SLC52A1: variants seen among roughly 807,000 people sequenced by gnomAD.
SLC52A1 encodes solute carrier family 52, riboflavin transporter, member 1.
In SLC52A1, 20 loss-of-function variants were observed where a neutral mutation model predicts 23.2. The observed-to-expected ratio is 0.86, with a 90% CI of 0.61 to 1.25. The LOEUF is 1.25. Ranked by LOEUF, SLC52A1 falls within the 50% of genes most tolerant of loss-of-function variation. The probability of loss-of-function intolerance (pLI) is 0.00; values close to 1 mark genes in which losing one functional copy is unlikely to be tolerated. For missense variants in SLC52A1, 528 were observed against 557.0 expected (o/e 0.95, Z 0.52); for synonymous variants, 260 against 256.6 (o/e 1.01, Z -0.13).
At position 5,033,517 on chromosome 17, in the gene SLC52A1, G is replaced by T; in HGVS notation, c.972C>A (p.Asn324Lys). ...CCATGGCCAGGAAGCAGGCAAGGGGGTTGGCGGCACTGCCCAGCACCACAG... is the reference window on the plus strand; with the variant it reads ...CCATGGCCAGGAAGCAGGCAAGGGGTTTGGCGGCACTGCCCAGCACCACAG... The part of the protein sequence containing the change: ...HLAVVLGSAA[N>K]PLACFLAMGV... The change falls in exon 3 of 5, where the codon AAC becomes AAA. Residue 324 changes from asparagine to lysine, a missense_variant. Physicochemically the swap from Asn to Lys is moderately conservative, Grantham distance 94. Coordinates refer to ENST00000254853, the MANE Select transcript of SLC52A1 (RefSeq NM_017986.4). The T allele has an allele frequency of 6.2e-7, 1 of 1,613,172 alleles. No individual in the cohort carries two copies.
rs774520412 is a variant in SLC52A1, at chr17:5,033,295, G to A, written c.1100C>T (p.Pro367Leu). The change falls in exon 4 of 5, where the codon CCC becomes CTC. Residue 367 changes from proline to leucine, a missense_variant. Pro to Leu is a moderately conservative substitution (Grantham distance 98). Transcript: ENST00000254853. Reference protein sequence around the residue: ...MALAILSPCPPLVGTTAGVVL... With the variant: ...MALAILSPCPLLVGTTAGVVL... ...CACCCCTGCAGTGGTGCCCACCAGG[G>A]GTGGGCAGGGGCTCAGGATTGCCAG... The A allele has an allele frequency of 1.2e-6, 2 of 1,614,150 alleles. No individual in the cohort carries two copies. Among genetic ancestry groups the A allele is most frequent in the Admixed American group, 3.3e-5 (2 of 60,022 alleles).
At position 5,034,363 on chromosome 17, in the gene SLC52A1, A is replaced by G. The variant is rs1483881818; in HGVS notation, c.131-5T>C. The G allele has an allele frequency of 6.3e-7, 1 of 1,581,872 alleles. No homozygotes were observed. The highest frequency in any genetic ancestry group is 1.4e-5 in the African/African-American group (1 of 74,046). On this transcript the variant is annotated splice_polypyrimidine_tract_variant and splice_region_variant and intron_variant, in intron 2 of 4. Transcript: ENST00000254853. ...GGTATGAGGGGAGGCTCCAACCTGC[A>G]GGGAAGGAATGATGCCATGTCAGGA...
At chr17:5,041,240 G>A (rs527858362) in intron 1 of SLC52A1, among the ~76,000 whole-genome samples, 12 of 152,232 alleles carry the variant, frequency 7.9e-5, no homozygotes, top group Admixed American at 2.0e-4. Flanking sequence ...GTGTGTGCCA[G>A]CCACCACGGC....
upstream of SLC52A1, among the ~76,000 whole-genome samples, chr17:5,039,424 C>T (rs773416586): frequency 3.5e-4 from 53 of 152,122 alleles, no homozygotes; most frequent in Non-Finnish European, 1.5e-4. Context: ...GAACTGTCCC[C>T]TTAACGTAGG....
rs989617189 is a variant in SLC52A1 at position 5,035,150 on chromosome 17, A to G, written c.-397T>C. On this transcript the variant is annotated 5_prime_UTR_variant, in exon 1 of 5. Transcript: ENST00000254853. ...TGGTGAAAACCCGTCTCTACTAAAA[A>G]TACAAAAATTAGCTGGTCGTGGTGG... 2 of 155,390 alleles carry G rather than the reference A, an allele frequency of 1.3e-5. No individual in the cohort carries two copies. The highest frequency in any genetic ancestry group is 4.8e-5 in the African/African-American group (2 of 41,464). The allele number at this position is 155,390 out of a possible 1,614,324, so 9.6% of individuals were successfully genotyped here. A position where few individuals can be genotyped will look rare whatever the true frequency, so the allele number is the denominator to read the frequency against.
Position 5,032,625 on chromosome 17 carries a change from C to A in SLC52A1, c.*332G>T. On this transcript the variant is annotated 3_prime_UTR_variant, in exon 5 of 5. Transcript: ENST00000254853. ...TATATGTATGAAAAATTATTTAATC[C>A]AGTTTCCTGATTTCATTATATATTT... The A allele has an allele frequency of 4.6e-6, 1 of 218,930 alleles. No homozygotes were observed. Among genetic ancestry groups the A allele is most frequent in the South Asian group, 1.3e-4 (1 of 7,464 alleles). 13.6% of individuals were successfully genotyped at this position (218,930 alleles called of 1,614,324 possible).
In SLC52A1 at chr17:5,033,610, G is replaced by T; in HGVS notation, c.879C>A (p.Thr293=). 1 of 1,614,016 alleles carries T rather than the reference G, an allele frequency of 6.2e-7. No individual in the cohort carries two copies. Among genetic ancestry groups the T allele is most frequent in the Non-Finnish European group, 8.5e-7 (1 of 1,180,014 alleles). Residue 293 remains threonine, a synonymous_variant, in exon 3 of 5, where the codon ACC becomes ACA. Coordinates refer to ENST00000254853, the MANE Select transcript of SLC52A1 (RefSeq NM_017986.4). ...LGLMAFTSAV[T]NGVLPSVQSF... Reference sequence around the variant, plus strand: ...TCTGCACAGAAGGCAGCACGCCATTGGTCACGGCACTGGTGAAGGCCATCA... The same window carrying T: ...TCTGCACAGAAGGCAGCACGCCATTTGTCACGGCACTGGTGAAGGCCATCA...
chr17:5,034,564 G>A lies in SLC52A1; in HGVS notation c.43C>T (p.Leu15=). 6.2e-7 allele frequency: 1 copy of A among 1,614,246 alleles called. No individual in the cohort carries two copies. The highest frequency in any genetic ancestry group is 8.5e-7 in the Non-Finnish European group (1 of 1,180,048). ...TLGRLVLTHL[L]VALFGMGSWA... ...GAGCCCATGCCAAAAAGGGCCACCA[G>A]CAGGTGGGTCAGCACCAGACGGCCC... is the stretch of plus-strand genomic sequence containing the variant. The change falls in exon 2 of 5, where the codon CTG becomes TTG. Residue 15 remains leucine (L), a synonymous_variant. Coordinates refer to ENST00000254853, the MANE Select transcript of SLC52A1 (RefSeq NM_017986.4).
chr17:5,034,012 A>T lies in SLC52A1; in HGVS notation c.477T>A (p.Cys159Ter), dbSNP rs1199394262. The stretch of plus-strand genomic sequence containing the variant: ...CCACACCTTGCACTAGGGCCAGCAC[A>T]CAGGGGAGTAGGGCACTGAGACCCT... Reference protein sequence around the residue: ...LGQGLSALLPCVLALVQGVGR... With the variant: ...LGQGLSALLP Residue 159 changes from cysteine (C) to a stop codon, truncating the protein, a stop_gained, in exon 3 of 5, where the codon TGT becomes TGA. Transcript: ENST00000254853. LOFTEE classifies it high-confidence loss of function. 6.2e-7 allele frequency: 1 copy of T among 1,613,972 alleles called. No homozygotes were observed. Among genetic ancestry groups the T allele is most frequent in the African/African-American group, 1.3e-5 (1 of 74,946 alleles).
In SLC52A1 at chr17:5,034,499, C is replaced by T. The variant is rs779182223; in HGVS notation, c.108G>A (p.Val36=). 20 of 1,614,126 alleles carry T rather than the reference C, an allele frequency of 1.2e-5. 1 individual carries two copies. The South Asian group carries it at 2.0e-4, about 16-fold the overall frequency. The change falls in exon 2 of 5, where the codon GTG becomes GTA. Residue 36 remains valine, a synonymous_variant. Transcript: ENST00000254853. ...AVNGIWVELP[V]VVKDLPEGWS... Reference sequence around the variant, plus strand: ...CACCCTCTGGAAGGTCTTTTACCACCACAGGCAGCTCCACCCAGATCCCGT... The same window carrying T: ...CACCCTCTGGAAGGTCTTTTACCACTACAGGCAGCTCCACCCAGATCCCGT...
upstream of SLC52A1, among the ~76,000 whole-genome samples, chr17:5,036,632 G>A (rs150094593): frequency 4.0e-3 from 607 of 150,848 alleles, 6 homozygotes; most frequent in African/African-American, 0.014. Context: ...GGCTCGTCTC[G>A]AACTCCTGAC....
intron 4 of SLC52A1, 34 bp downstream of exon 4, chr17:5,033,226 AC>A: frequency 1.2e-6 from 2 of 1,612,310 alleles, no homozygotes; most frequent in Non-Finnish European, 8.5e-7. Context: ...TCCAGGGGAC[AC>A]CCTCCTCCCC....
Position 5,033,055 on chromosome 17 carries a change from C to T in SLC52A1, c.1249G>A (p.Val417Met), listed in dbSNP as rs775980745. Reference protein sequence around the residue: ...ALLAAGVAIQVGSLLGAGAMF... With the variant: ...ALLAAGVAIQMGSLLGAGAMF... Reference sequence around the variant, plus strand: ...GCACCGGCACCAAGCAGGGAGCCCACTTGGATGGCCACACCAGCTGCCAGC... The same window carrying T: ...GCACCGGCACCAAGCAGGGAGCCCATTTGGATGGCCACACCAGCTGCCAGC... Residue 417 changes from valine to methionine, a missense_variant, in exon 5 of 5, where the codon GTG becomes ATG. By Grantham distance (21) the Val-to-Met change is conservative (BLOSUM62 1). Coordinates refer to ENST00000254853, the MANE Select transcript of SLC52A1 (RefSeq NM_017986.4). The T allele has an allele frequency of 1.9e-6, 3 of 1,613,678 alleles. No homozygotes were observed. The South Asian group carries it at 3.3e-5, about 18-fold the overall frequency.
intron 1 of SLC52A1, among the ~76,000 whole-genome samples, chr17:5,042,313 G>A (rs1454916729): frequency 1.3e-5 from 2 of 152,238 alleles, no homozygotes; most frequent in African/African-American, 2.4e-5. Context: ...CCCACTTCCC[G>A]TGTCTGTGTA....
At chr17:5,037,914 C>CTTT (rs10673155), upstream of SLC52A1, among the ~76,000 whole-genome samples, 26 of 39,994 alleles carry the variant, frequency 6.5e-4, 5 homozygotes, top group African/African-American at 1.5e-3. Context: ...TTCTTCCTTC[C>CTTT]TTTTTTTTTT....
chr17:5,034,173 C>A lies in SLC52A1; in HGVS notation c.316G>T (p.Ala106Ser). Residue 106 changes from alanine to serine, a missense_variant, in exon 3 of 5, where the codon GCA becomes TCA. Transcript: ENST00000254853. ...APLWHHVAPV[A>S]GQLHSVAFLT... The stretch of plus-strand genomic sequence containing the variant: ...AAGGCCACAGAGTGGAGCTGCCCTG[C>A]CACTGGGGCCACGTGGTGCCACAGA... The A allele has an allele frequency of 6.2e-7, 1 of 1,614,172 alleles. No individual in the cohort carries two copies. The highest frequency in any genetic ancestry group is 8.5e-7 in the Non-Finnish European group (1 of 1,180,002).
At chr17:5,041,028 C>G (rs986785960) in intron 1 of SLC52A1, among the ~76,000 whole-genome samples, 1 of 151,978 alleles carries the variant, frequency 6.6e-6, no homozygotes, top group African/African-American at 2.4e-5. Flanking sequence ...ATCTCCTGAC[C>G]TCGTGATCCA....
At position 5,033,901 on chromosome 17, in the gene SLC52A1, GA is replaced by G. The variant is rs750678566; in HGVS notation, c.587del (p.Phe196SerfsTer5). On this transcript the variant is annotated frameshift_variant, in exon 3 of 5. Transcript: ENST00000254853. LOFTEE classifies it high-confidence loss of function. ...DFPERFPAST[F>X]FWALTALLVT... is the part of the protein sequence containing the mutation. ...CCAGAAGGGCAGTCAGTGCCCAGAAGAAGGTGCTGGCAGGAAAACGCTCAGG... is the reference window on the plus strand; with the variant it reads ...CCAGAAGGGCAGTCAGTGCCCAGAAGAGGTGCTGGCAGGAAAACGCTCAGG... 1.1e-4 allele frequency: 185 copies of G among 1,614,124 alleles called. No homozygotes were observed. Among genetic ancestry groups the G allele is most frequent in the Non-Finnish European group, 1.4e-4 (170 of 1,180,042 alleles).
intron 1 of SLC52A1, among the ~76,000 whole-genome samples, chr17:5,042,154 T>C (rs1035572705): frequency 2.0e-5 from 3 of 152,200 alleles, no homozygotes; most frequent in Non-Finnish European, 4.4e-5. Context: ...CATTCTCGTG[T>C]TGGGGATGGA....
Sources: allele counts gnomAD v4.1 joint callset (sites outside exome capture counted in the v4.1 genomes callset), GRCh38; gene constraint gnomAD v4.1.1; transcripts MANE v1.5; gene names NCBI Gene and HGNC (gene_info 2026-07-23, HGNC 2026-07-21).